STUM: variants seen among roughly 807,000 people sequenced by gnomAD.
STUM encodes the protein stum, mechanosensory transduction mediator homolog.
In STUM, 8 loss-of-function variants were observed where a neutral mutation model predicts 15.3. The observed-to-expected ratio is 0.52, with a 90% CI of 0.31 to 0.94. The LOEUF is 0.94. STUM is among the 40% of genes least tolerant of loss of function. The pLI, the probability that STUM is intolerant of heterozygous loss-of-function variation, is 0.05. For missense variants in STUM, 142 were observed against 204.9 expected, an observed-to-expected ratio of 0.69 and a Z score of 1.87; for synonymous variants, 78 against 88.7, an observed-to-expected ratio of 0.88 and a Z score of 0.68.
chr1:226,578,246 G>GT (rs1222899949), intron 1 of STUM, among the ~76,000 whole-genome samples: 1 of 150,272 alleles, frequency 6.7e-6, no homozygotes, highest in Non-Finnish European at 1.5e-5. Flanking sequence ...TTTTAAAAAT[G>GT]TTTTTAAAAA....
At chr1:226,582,526 T>C (rs1571806605) in intron 1 of STUM, among the ~76,000 whole-genome samples, 1 of 148,294 alleles carries the variant, frequency 6.7e-6, no homozygotes. Flanking sequence ...ACCTGGGAGG[T>C]GGAGGTTGCA....
At chr1:226,601,338 G>A (rs1668259468) in intron 3 of STUM, among the ~76,000 whole-genome samples, 1 of 152,132 alleles carries the variant, frequency 6.6e-6, no homozygotes, top group Non-Finnish European at 1.5e-5. Flanking sequence ...TGTTAGCCAG[G>A]ATGGTCTCAA....
At chr1:226,577,048 G>T (rs546791750) in intron 1 of STUM, among the ~76,000 whole-genome samples, 1 of 152,332 alleles carries the variant, frequency 6.6e-6, no homozygotes, top group Middle Eastern at 3.4e-3. Flanking sequence ...GCCACATACA[G>T]AGATAGGCAT....
rs936200459 is a variant in STUM at position 226,600,819 on chromosome 1, G to T, written c.391+145G>T. The T allele has an allele frequency of 2.3e-5, 21 of 896,822 alleles. No individual in the cohort carries two copies. The highest frequency in any genetic ancestry group is 3.5e-5 in the Non-Finnish European group (20 of 573,886). 55.6% of individuals were successfully genotyped at this position (896,822 alleles called of 1,614,324 possible). On this transcript the variant is annotated intron_variant, in intron 3 of 3. Transcript: ENST00000366788. The surrounding 1 kb of genome is among the most constrained non-coding windows in gnomAD (Gnocchi z 5.2). The stretch of plus-strand genomic sequence containing the variant: ...TATGTTTAGCTTGAACTTTTGGTTT[G>T]GAAAATGCTTAAACATAGACAAAAG...
intron 1 of STUM, among the ~76,000 whole-genome samples, chr1:226,566,150 C>A (rs2102691687): frequency 6.6e-6 from 1 of 152,302 alleles, no homozygotes; most frequent in East Asian, 1.9e-4. Flanking sequence ...CCTCCACTCA[C>A]AGAAAGAACC....
chr1:226,595,762 T>C (rs1005257998), intron 1 of STUM, among the ~76,000 whole-genome samples: 1 of 152,024 alleles, frequency 6.6e-6, no homozygotes, highest in African/African-American at 2.4e-5. Flanking sequence ...GCGGTGATGA[T>C]GGAGGAAGGG....
In STUM at chr1:226,608,916, TC is replaced by T. The variant is rs1311916211; in HGVS notation, c.*6877del. 1 of 152,184 alleles carries T rather than the reference TC, an allele frequency of 6.6e-6. No homozygotes were observed. The highest frequency in any genetic ancestry group is 1.5e-5 in the Non-Finnish European group (1 of 68,062). The allele number at this position is 152,184 out of a possible 1,614,324, so 9.4% of individuals were successfully genotyped here. On this transcript the variant is annotated 3_prime_UTR_variant, in exon 4 of 4. Coordinates refer to ENST00000366788, the MANE Select transcript of STUM (RefSeq NM_001003665.4). The surrounding 1 kb of genome is among the most constrained non-coding windows in gnomAD (Gnocchi z 4.0). The stretch of plus-strand genomic sequence containing the variant: ...TGCTTAGGTGGTCTCCACAGCGCCC[TC>T]TAGGGGCCAAGCAGGGTTCCAGATT...
At chr1:226,594,070 G>A (rs1248484435) in intron 1 of STUM, among the ~76,000 whole-genome samples, 10 of 152,184 alleles carry the variant, frequency 6.6e-5, no homozygotes, top group East Asian at 1.9e-4. Context: ...ACCTCACATC[G>A]GTGGCAGTGG....
intron 1 of STUM, among the ~76,000 whole-genome samples, chr1:226,551,954 G>A (rs942948789): frequency 6.6e-6 from 1 of 152,162 alleles, no homozygotes; most frequent in Non-Finnish European, 1.5e-5. Context: ...TCCCATTCTG[G>A]AAACTGCCCA....
intron 1 of STUM, among the ~76,000 whole-genome samples, chr1:226,560,663 A>C (rs754966758): frequency 3.9e-4 from 59 of 152,172 alleles, no homozygotes; most frequent in Non-Finnish European, 7.6e-4. Flanking sequence ...TGGTTTCAGA[A>C]GTGTCACTCT....
chr1:226,561,345 T>G (rs1191726111), intron 1 of STUM, among the ~76,000 whole-genome samples: 1 of 152,208 alleles, frequency 6.6e-6, no homozygotes, highest in Non-Finnish European at 1.5e-5. Context: ...GTCCTTGTTC[T>G]TTTAACCTAG....
intron 1 of STUM, among the ~76,000 whole-genome samples, chr1:226,577,972 C>T (rs1223285241): frequency 6.6e-6 from 1 of 152,114 alleles, no homozygotes; most frequent in Non-Finnish European, 1.5e-5. Context: ...GGGAGGTCTG[C>T]CCCCTCGGCC....
intron 1 of STUM, among the ~76,000 whole-genome samples, chr1:226,580,575 C>T (rs1667902568): frequency 6.6e-6 from 1 of 152,066 alleles, no homozygotes; most frequent in African/African-American, 2.4e-5. Context: ...ATCTTTTCTA[C>T]TTGGAACATT....
At chr1:226,575,211 T>A (rs921097734) in intron 1 of STUM, among the ~76,000 whole-genome samples, 12 of 152,192 alleles carry the variant, frequency 7.9e-5, no homozygotes, top group African/African-American at 2.7e-4. Context: ...TCACAGTGAT[T>A]TGTGAGGACT....
chr1:226,557,339 C>A (rs568416359), intron 1 of STUM, among the ~76,000 whole-genome samples: 50 of 152,296 alleles, frequency 3.3e-4, no homozygotes, highest in African/African-American at 1.1e-3. Context: ...TATATACCGC[C>A]TTTTAAGGCA....
chr1:226,582,195 C>CTTCA (rs1373981940), intron 1 of STUM, among the ~76,000 whole-genome samples: 1 of 152,252 alleles, frequency 6.6e-6, no homozygotes, highest in African/African-American at 2.4e-5. Context: ...CAGTGCCATC[C>CTTCA]TTCACCATTG....
chr1:226,579,418 G>A (rs1014922963), intron 1 of STUM, among the ~76,000 whole-genome samples: 6 of 152,132 alleles, frequency 3.9e-5, no homozygotes, highest in African/African-American at 1.2e-4. Flanking sequence ...AATTTACTTG[G>A]TCCCTGTCCA....
intron 1 of STUM, among the ~76,000 whole-genome samples, chr1:226,559,982 A>T (rs1667514539): frequency 6.6e-6 from 1 of 151,954 alleles, no homozygotes; most frequent in African/African-American, 2.4e-5. Context: ...TCAAAAAAAA[A>T]AAAAAAATTA....
intron 1 of STUM, among the ~76,000 whole-genome samples, chr1:226,576,719 C>T (rs966970011): frequency 6.6e-6 from 1 of 152,180 alleles, no homozygotes; most frequent in East Asian, 1.9e-4. Context: ...TGCCCATTAA[C>T]ATGAGCTGCC....
Sources: allele counts gnomAD v4.1 joint callset (sites outside exome capture counted in the v4.1 genomes callset), GRCh38; gene constraint gnomAD v4.1.1; non-coding constraint Gnocchi (gnomAD v3.1); transcripts MANE v1.5; gene names NCBI Gene and HGNC (gene_info 2026-07-23, HGNC 2026-07-21).